The following LTBP1 variants were observed in gnomAD, a reference collection of about 807,000 sequenced individuals.
The protein encoded by LTBP1 is latent-transforming growth factor beta-binding protein 1.
In LTBP1, 129 loss-of-function variants were observed where a neutral mutation model predicts 207.6. The ratio of observed to expected loss-of-function variants is 0.62; its 90% CI spans 0.54 to 0.72. The LOEUF is 0.72. Ranked by LOEUF, LTBP1 falls within the 30% of genes least tolerant of loss-of-function variation. The probability of loss-of-function intolerance (pLI) is 0.00; values close to 1 mark genes in which losing one functional copy is unlikely to be tolerated. For missense variants in LTBP1, 2,281 were observed against 2,217.2 expected (o/e 1.03, Z -0.58); for synonymous variants, 963 against 833.7 (o/e 1.16, Z -2.67).
At position 33,283,918 on chromosome 2, in the gene LTBP1, CAT is replaced by C. The variant is rs1276574395; in HGVS notation, c.3112+3761_3112+3762del. On this transcript the variant is annotated intron_variant, in intron 19 of 33. Transcript: ENST00000404816. ...ATGTTTTTACATTGTTATAATCAAACATGTACAATGTTTTATATAACATTTCT... is the reference window on the plus strand; with the variant it reads ...ATGTTTTTACATTGTTATAATCAAACGTACAATGTTTTATATAACATTTCT... 2.0e-5 allele frequency among the ~76,000 whole-genome samples: 3 copies of C among 152,190 alleles called. 1 individual carries two copies. Among genetic ancestry groups the C allele is most frequent in the Non-Finnish European group, 2.9e-5 (2 of 68,032 alleles).
intron 24 of LTBP1, among the ~76,000 whole-genome samples, chr2:33,337,550 G>T (rs1448805027): frequency 6.6e-6 from 1 of 152,134 alleles, no homozygotes; most frequent in Non-Finnish European, 1.5e-5. Context: ...CTTCAGTAAA[G>T]TGTAAATAGC....
At chr2:33,118,164 C>A (rs1200126410) in intron 4 of LTBP1, among the ~76,000 whole-genome samples, 1 of 142,440 alleles carries the variant, frequency 7.0e-6, no homozygotes, top group Non-Finnish European at 1.5e-5. Context: ...GCCCTCCCTA[C>A]ATGGAGACTA....
chr2:32,995,126 G>T (rs541314413), intron 2 of LTBP1, among the ~76,000 whole-genome samples: 1 of 152,050 alleles, frequency 6.6e-6, no homozygotes, highest in East Asian at 1.9e-4. Flanking sequence ...TAAAGCTGCA[G>T]TGAGCTATGA....
At chr2:33,059,733 T>C (rs1486284827) in intron 3 of LTBP1, among the ~76,000 whole-genome samples, 1 of 152,130 alleles carries the variant, frequency 6.6e-6, no homozygotes, top group African/African-American at 2.4e-5. Context: ...GAGGGAGACT[T>C]TTTTCCATGA....
chr2:33,129,014 T>G (rs1340486817), intron 4 of LTBP1, among the ~76,000 whole-genome samples: 1 of 151,974 alleles, frequency 6.6e-6, no homozygotes, highest in East Asian at 1.9e-4. Flanking sequence ...TCTAGACAGG[T>G]GAGTTTTAAA....
intron 3 of LTBP1, among the ~76,000 whole-genome samples, chr2:33,029,445 C>G (rs2075586928): frequency 1.3e-5 from 2 of 151,942 alleles, no homozygotes; most frequent in African/African-American, 2.4e-5. Context: ...CCACTGCGCT[C>G]CAGCATGGGC....
chr2:33,247,035 A>T (rs2149834277), intron 10 of LTBP1, among the ~76,000 whole-genome samples: 1 of 152,344 alleles, frequency 6.6e-6, no homozygotes, highest in Middle Eastern at 3.4e-3. Context: ...TCCTGCAGGA[A>T]CTTCAGAGCT....
chr2:33,066,364 C>G (rs1206859887), intron 3 of LTBP1, among the ~76,000 whole-genome samples: 1 of 152,162 alleles, frequency 6.6e-6, no homozygotes, highest in Admixed American at 6.5e-5. Flanking sequence ...TGCTGCTTGG[C>G]ACCCCAAAAA....
intron 4 of LTBP1, among the ~76,000 whole-genome samples, chr2:33,126,761 A>T (rs961336695): frequency 1.3e-5 from 2 of 152,186 alleles, no homozygotes; most frequent in Non-Finnish European, 2.9e-5. Flanking sequence ...GTAGTCCCAT[A>T]GGGGGAGTAG....
At chr2:33,185,177 G>A (rs1323623684) in intron 5 of LTBP1, among the ~76,000 whole-genome samples, 1 of 152,160 alleles carries the variant, frequency 6.6e-6, no homozygotes, top group Non-Finnish European at 1.5e-5. Flanking sequence ...GTATTGTAGA[G>A]AATGAGGTAA....
intron 7 of LTBP1, among the ~76,000 whole-genome samples, chr2:33,207,365 C>T (rs2089962540): frequency 6.7e-6 from 1 of 149,416 alleles, no homozygotes; most frequent in African/African-American, 2.6e-5. Flanking sequence ...GGATACATTT[C>T]CAGCAGTTAA....
At chr2:33,195,415 A>G (rs952189987) in intron 7 of LTBP1, among the ~76,000 whole-genome samples, 1 of 152,190 alleles carries the variant, frequency 6.6e-6, no homozygotes, top group Non-Finnish European at 1.5e-5. Flanking sequence ...GATACTTGAA[A>G]ATGTCAAATC....
chr2:33,165,660 T>C (rs941718190), intron 5 of LTBP1, among the ~76,000 whole-genome samples: 7 of 152,200 alleles, frequency 4.6e-5, no homozygotes, highest in Non-Finnish European at 7.3e-5. Context: ...CAGTAAACTC[T>C]CTGTGGAAAA....
intron 5 of LTBP1, among the ~76,000 whole-genome samples, chr2:33,175,581 T>G (rs897994456): frequency 5.9e-5 from 9 of 152,232 alleles, no homozygotes; most frequent in Non-Finnish European, 7.3e-5. Flanking sequence ...TCAACCATTG[T>G]GGAAGTCAGT....
chr2:33,053,933 G>T (rs1558569884), intron 3 of LTBP1, among the ~76,000 whole-genome samples: 1 of 152,098 alleles, frequency 6.6e-6, no homozygotes, highest in Non-Finnish European at 1.5e-5. Context: ...CTAGATCTTG[G>T]GCCAGTGCCT....
chr2:33,103,586 C>T lies in LTBP1; in HGVS notation c.864-6996C>T, dbSNP rs868355483. Among the ~76,000 whole-genome samples the T allele has an allele frequency of 3.6e-3, 423 of 118,218 alleles. 3 individuals carry two copies. The highest frequency in any genetic ancestry group is 0.012 in the African/African-American group (396 of 33,456). 77.6% of individuals were successfully genotyped at this position (118,218 alleles called of 152,430 possible). ...GACCATAAATCCTTGTCTCCGTTTA[C>T]GTGTGTGTGTGTGTGTGTGTGTGTG... On this transcript the variant is annotated intron_variant, in intron 3 of 33. Transcript: ENST00000404816.
At chr2:33,113,966 G>A (rs1458003090) in intron 4 of LTBP1, among the ~76,000 whole-genome samples, 1 of 152,140 alleles carries the variant, frequency 6.6e-6, no homozygotes, top group Admixed American at 6.5e-5. Flanking sequence ...TCAGCCTTCT[G>A]GGTAGCTGGG....
intron 3 of LTBP1, among the ~76,000 whole-genome samples, chr2:33,093,529 T>C (rs1299719348): frequency 6.6e-6 from 1 of 152,194 alleles, no homozygotes; most frequent in East Asian, 1.9e-4. Flanking sequence ...TGTTTTACCT[T>C]CATGGGCTCC....
intron 5 of LTBP1, among the ~76,000 whole-genome samples, chr2:33,178,859 G>A (rs1362994648): frequency 6.6e-6 from 1 of 152,096 alleles, no homozygotes; most frequent in African/African-American, 2.4e-5. Context: ...ATTTTTGTAG[G>A]TATTAATTAG....
Sources: gnomAD v4.1 joint callset for allele counts (sites outside exome capture counted in the v4.1 genomes callset) on GRCh38, gnomAD v4.1.1 for gene constraint, MANE v1.5 for transcripts, NCBI Gene and HGNC (gene_info 2026-07-23, HGNC 2026-07-21) for gene names.